The following NUP188 variants were observed in gnomAD, a reference collection of about 807,000 sequenced individuals.
NUP188 encodes nucleoporin NUP188.
In NUP188, 97 loss-of-function variants were observed where a neutral mutation model predicts 223.0. That is an observed-to-expected ratio of 0.43 (90% CI 0.37 to 0.51). The LOEUF (loss-of-function observed/expected upper bound fraction) is 0.51, where lower values mean the gene tolerates loss of function less well. Ranked by LOEUF, NUP188 falls within the 20% of genes least tolerant of loss-of-function variation. The pLI is 0.00. For synonymous variants in NUP188, 869 were observed against 828.0 expected, an observed-to-expected ratio of 1.05 and a Z score of -0.85; for missense variants, 1,947 against 2,175.6, an observed-to-expected ratio of 0.89 and a Z score of 2.09.
rs1842097292 is a variant in NUP188 at position 128,970,947 on chromosome 9, G to A, written c.1102G>A (p.Gly368Arg). Reference protein sequence around the residue: ...LTRLLQSLASGGNDCTTSTAC... With the variant: ...LTRLLQSLASRGNDCTTSTAC... ...CCGATTGCTCCAGTCCCTTGCCAGTGGGGGAAATGATGTGAGTTTAAGGCT... is the reference window on the plus strand; with the variant it reads ...CCGATTGCTCCAGTCCCTTGCCAGTAGGGGAAATGATGTGAGTTTAAGGCT... The change falls in exon 11 of 44, where the codon GGG becomes AGG. Residue 368 changes from glycine to arginine, a missense_variant. Around this residue, in one of 3 missense-constraint regions of NUP188, gnomAD observed 817 missense variants for 865.8 expected, o/e 0.94. Coordinates refer to ENST00000372577, the MANE Select transcript of NUP188 (RefSeq NM_015354.3). 2.5e-6 allele frequency: 4 copies of A among 1,613,392 alleles called. No homozygotes were observed. The highest frequency in any genetic ancestry group is 3.4e-6 in the Non-Finnish European group (4 of 1,179,540).
At chr9:128,958,180 G>A in intron 6 of NUP188, 126 bp downstream of exon 6, 1 of 678,294 alleles carries the variant, frequency 1.5e-6, no homozygotes, top group Admixed American at 2.9e-5. Flanking sequence ...TTATGAAGAA[G>A]CATATTAACT....
intron 17 of NUP188, 26 bp from the exon 18 acceptor site, chr9:128,983,267 A>G: frequency 6.3e-7 from 1 of 1,590,896 alleles, no homozygotes; most frequent in Non-Finnish European, 8.6e-7. Flanking sequence ...TGCTTTATTG[A>G]GTATAGTGTA....
At chr9:128,976,424 A>T (rs928688155) in intron 12 of NUP188, among the ~76,000 whole-genome samples, 1 of 152,140 alleles carries the variant, frequency 6.6e-6, no homozygotes, top group Non-Finnish European at 1.5e-5. Context: ...TAATCCCAGC[A>T]CTTTGGGAGA....
intron 8 of NUP188, chr9:128,964,310 A>G: frequency 2.7e-6 from 1 of 365,332 alleles, no homozygotes; most frequent in South Asian, 2.2e-5. Flanking sequence ...TACCAGATAG[A>G]TGTTTTACAA....
intron 6 of NUP188, among the ~76,000 whole-genome samples, 195 bp downstream of exon 6, chr9:128,958,249 A>T (rs546876331): frequency 1.3e-5 from 2 of 152,330 alleles, no homozygotes; most frequent in African/African-American, 2.4e-5. Context: ...TCCCAAGGAG[A>T]TTCTTCAGCT....
In NUP188 at chr9:128,998,600, TATC is replaced by T; in HGVS notation, c.3493_3495del (p.Ile1165del). On this transcript the variant is annotated inframe_deletion, in exon 32 of 44. Coordinates refer to ENST00000372577, the MANE Select transcript of NUP188 (RefSeq NM_015354.3). ...GCTCCATGAAGTGCACTCTGCTGCT[TATC>T]CTCCTCCGGCAGTGGAAGAGGTGAG... The T allele has an allele frequency of 6.2e-7, 1 of 1,614,146 alleles. No homozygotes were observed. The highest frequency in any genetic ancestry group is 8.5e-7 in the Non-Finnish European group (1 of 1,180,006).
At chr9:128,959,852 T>C (rs1287068219) in intron 8 of NUP188, among the ~76,000 whole-genome samples, 1 of 152,158 alleles carries the variant, frequency 6.6e-6, no homozygotes, top group Non-Finnish European at 1.5e-5. Flanking sequence ...TTATCATTCT[T>C]GAGAAAAGTT....
intron 23 of NUP188, 124 bp downstream of exon 23, chr9:128,987,841 C>G (rs1842360278): frequency 4.6e-6 from 6 of 1,300,686 alleles, no homozygotes; most frequent in African/African-American, 4.4e-5. Flanking sequence ...TAGGACATAG[C>G]CTTTACATAC....
chr9:128,977,309 A>G (rs1050176707), intron 12 of NUP188, among the ~76,000 whole-genome samples: 7 of 151,492 alleles, frequency 4.6e-5, no homozygotes, highest in African/African-American at 7.3e-5. Flanking sequence ...TTTAGTAGAG[A>G]CGGGTTTCAC....
intron 8 of NUP188, among the ~76,000 whole-genome samples, chr9:128,966,128 CGTGTGTGT>C (rs34851120): frequency 0.073 from 10,033 of 136,790 alleles, 406 homozygotes; most frequent in African/African-American, 0.13. Context: ...TTTCTGCCTC[CGTGTGTGT>C]GTGTGTGTGT....
chr9:128,951,233 G>A lies in NUP188; in HGVS notation c.88-1540G>A, dbSNP rs147372353. Among the ~76,000 whole-genome samples the A allele has an allele frequency of 5.7e-4, 87 of 151,630 alleles. 1 individual carries two copies. The East Asian group carries it at 0.016, about 29-fold the overall frequency. On this transcript the variant is annotated intron_variant, in intron 2 of 43. Transcript: ENST00000372577. ...TGAGGCAGGAGATTCGCTTGAACCC[G>A]GAAGTGGAGGTTGCAGTGAGTCGAG...
intron 13 of NUP188, among the ~76,000 whole-genome samples, chr9:128,980,392 A>G (rs571523277): frequency 1.3e-5 from 2 of 152,346 alleles, no homozygotes; most frequent in East Asian, 3.9e-4. Flanking sequence ...AGGTCACTGG[A>G]TAGAATAGTA....
chr9:128,983,451 T>C, intron 18 of NUP188, 23 bp from the exon 19 acceptor site: 2 of 1,613,422 alleles, frequency 1.2e-6, no homozygotes, highest in Non-Finnish European at 8.5e-7. Flanking sequence ...TGTGGGCATT[T>C]AACTCTTCCT....
At position 128,988,174 on chromosome 9, in the gene NUP188, C is replaced by T; in HGVS notation, c.2521C>T (p.Leu841Phe). ...SNVVSPLEQA[L>F]SQHGAHGNNL... ...TGTGGTGTCCCCCCTGGAACAGGCT[C>T]TCTCACAACATGGTATGTATTTCTC... The change falls in exon 24 of 44, where the codon CTC becomes TTC. Residue 841 changes from leucine to phenylalanine, a missense_variant. Transcript: ENST00000372577. The T allele has an allele frequency of 6.2e-7, 1 of 1,614,208 alleles. No individual in the cohort carries two copies. Among genetic ancestry groups the T allele is most frequent in the Non-Finnish European group, 8.5e-7 (1 of 1,180,020 alleles).
chr9:128,974,706 CAG>C (rs1842149175), intron 12 of NUP188, among the ~76,000 whole-genome samples: 1 of 151,834 alleles, frequency 6.6e-6, no homozygotes, highest in Admixed American at 6.6e-5. Context: ...ACTTAATCTA[CAG>C]ACATTTCAAC....
intron 24 of NUP188, among the ~76,000 whole-genome samples, chr9:128,988,528 T>C (rs1318101450): frequency 6.6e-6 from 1 of 152,162 alleles, no homozygotes; most frequent in Admixed American, 6.6e-5. Flanking sequence ...GGGATAATGG[T>C]ACAGGTTGAG....
At chr9:128,983,231 T>C in intron 17 of NUP188, 62 bp from the exon 18 acceptor site, 1 of 1,494,096 alleles carries the variant, frequency 6.7e-7, no homozygotes, top group Non-Finnish European at 9.3e-7. Context: ...TGGAAAAATG[T>C]TTGTGAGGGA....
chr9:128,981,424 T>A, intron 15 of NUP188, 34 bp downstream of exon 15: 1 of 1,100,244 alleles, frequency 9.1e-7, no homozygotes, highest in Non-Finnish European at 1.2e-6. Flanking sequence ...TATGACAGCT[T>A]TTTTTTTTTT....
chr9:128,958,113 C>T, intron 6 of NUP188, 59 bp downstream of exon 6: 1 of 1,383,302 alleles, frequency 7.2e-7, no homozygotes, highest in South Asian at 1.2e-5. Context: ...GCTTCTTGAC[C>T]TCATTTTCCT....
Sources: gnomAD v4.1 joint callset for allele counts (sites outside exome capture counted in the v4.1 genomes callset) on GRCh38, gnomAD v4.1.1 for gene constraint, gnomAD v4.1.1 regional missense constraint, MANE v1.5 for transcripts, NCBI Gene and HGNC (gene_info 2026-07-23, HGNC 2026-07-21) for gene names.